The following SLC39A10 variants were observed in gnomAD, a reference collection of about 807,000 sequenced individuals.
The protein encoded by SLC39A10 is zinc transporter ZIP10.
Under a neutral mutation model 65.1 loss-of-function variants are expected in SLC39A10, and 13 were observed. That is an observed-to-expected ratio of 0.20 (90% confidence interval 0.13 to 0.32). The LOEUF (loss-of-function observed/expected upper bound fraction) is 0.32, where lower values mean the gene tolerates loss of function less well. Among genes scored for constraint, SLC39A10 ranks in the 10% least tolerant of loss-of-function variants. The pLI, the probability that SLC39A10 is intolerant of heterozygous loss-of-function variation, is 1.00. For synonymous variants in SLC39A10, 321 were observed against 342.2 expected (o/e 0.94, Z 0.68); for missense variants, 831 against 1,018.4 (o/e 0.82, Z 2.50).
intron 2 of SLC39A10, among the ~76,000 whole-genome samples, chr2:195,619,883 T>C (rs939695380): frequency 1.3e-5 from 2 of 152,094 alleles, no homozygotes; most frequent in Non-Finnish European, 2.9e-5. Context: ...ACTTTATTTA[T>C]TTATTTAGAG....
intron 2 of SLC39A10, among the ~76,000 whole-genome samples, chr2:195,645,239 T>A (rs1317154555): frequency 3.3e-5 from 5 of 150,908 alleles, no homozygotes; most frequent in Admixed American, 2.0e-4. Flanking sequence ...AAAAAAAAAA[T>A]GAGTGCTGGG....
At position 195,717,188 on chromosome 2, in the gene SLC39A10, T is replaced by G. The variant is rs1691847187; in HGVS notation, c.2065+183T>G. 6.2e-6 allele frequency: 4 copies of G among 649,572 alleles called. No individual in the cohort carries two copies. The East Asian group carries it at 1.2e-4, about 19-fold the overall frequency. The allele number at this position is 649,572 out of a possible 1,614,324, so 40.2% of individuals were successfully genotyped here. A position where few individuals can be genotyped will look rare whatever the true frequency, so the allele number is the denominator to read the frequency against. On this transcript the variant is annotated intron_variant, in intron 7 of 9. Coordinates refer to ENST00000359634, the MANE Select transcript of SLC39A10 (RefSeq NM_020342.3). ...GGTGTAAGGGTATAATTTAGTGGGG[T>G]TTTTTAGAACACGTAAACAAATGTC... is the stretch of plus-strand genomic sequence containing the variant.
intron 2 of SLC39A10, among the ~76,000 whole-genome samples, chr2:195,640,385 G>A (rs1032065682): frequency 2.0e-5 from 3 of 150,804 alleles, no homozygotes; most frequent in Admixed American, 6.6e-5. Context: ...GATCAAATTG[G>A]ATGAACACCG....
In SLC39A10 at chr2:195,717,023, C is replaced by T. The variant is rs780817892; in HGVS notation, c.2065+18C>T. 3.7e-6 allele frequency: 6 copies of T among 1,607,854 alleles called. No individual in the cohort carries two copies. The South Asian group carries it at 5.6e-5, about 15-fold the overall frequency. On this transcript the variant is annotated intron_variant, in intron 7 of 9. Transcript: ENST00000359634. ...CGCAATTGGTAAGTGGACTGGAAAC[C>T]ACTGTCTATGCTAATCTTATGGACT...
intron 2 of SLC39A10, among the ~76,000 whole-genome samples, chr2:195,636,367 TATTTA>T (rs902516471): frequency 6.6e-6 from 1 of 152,218 alleles, no homozygotes; most frequent in African/African-American, 2.4e-5. Flanking sequence ...AAATAGTAAG[TATTTA>T]AATTTTTTTT....
chr2:195,680,751 G>A lies in SLC39A10; in HGVS notation c.709G>A (p.Gly237Arg). The A allele has an allele frequency of 1.2e-6, 2 of 1,614,064 alleles. No individual in the cohort carries two copies. The highest frequency in any genetic ancestry group is 1.3e-5 in the African/African-American group (1 of 75,008). The change falls in exon 2 of 10, where the codon GGG becomes AGG. Residue 237 changes from glycine to arginine, a missense_variant. By Grantham distance (125) the Gly-to-Arg change is moderately radical (BLOSUM62 -2). Transcript: ENST00000359634. ...KLPKGKRKKKGRKSNENSEVI... is the reference protein window; with the variant it reads ...KLPKGKRKKKRRKSNENSEVI... The stretch of plus-strand genomic sequence containing the variant: ...ACCGAAAGGAAAGAGGAAGAAAAAA[G>A]GGAGGAAAAGTAATGAAAATTCTGA...
Position 195,716,879 on chromosome 2 carries a change from C to A in SLC39A10, c.1939C>A (p.His647Asn). Residue 647 changes from histidine (H) to asparagine (N), a missense_variant, in exon 7 of 10, where the codon CAT becomes AAT. By Grantham distance (68) the His-to-Asn change is moderately conservative (BLOSUM62 1). This residue lies in a region of SLC39A10 where 230 missense variants were observed against 242.9 expected (regional missense o/e 0.95). Coordinates refer to ENST00000359634, the MANE Select transcript of SLC39A10 (RefSeq NM_020342.3). ...GCATAATCACCAGTGGCACCACAAG[C>A]ATTCTCATCATTCCCATGGCCCCTG... The part of the protein sequence containing the change: ...RKHNHQWHHK[H>N]SHHSHGPCHS... 6 of 1,614,174 alleles carry A rather than the reference C, an allele frequency of 3.7e-6. No homozygotes were observed. Among genetic ancestry groups the A allele is most frequent in the Non-Finnish European group, 5.1e-6 (6 of 1,180,022 alleles).
In SLC39A10 at chr2:195,708,738, A is replaced by G; in HGVS notation, c.1469A>G (p.Glu490Gly). The stretch of plus-strand genomic sequence containing the variant: ...GGACATGAATCTAACAAGTTTTTGG[A>G]AGAATATGATGCTGTATTGAAAGGA... ...SHGHESNKFLEEYDAVLKGLV... is the reference protein window; with the variant it reads ...SHGHESNKFLGEYDAVLKGLV... The change falls in exon 5 of 10, where the codon GAA becomes GGA. Residue 490 changes from glutamate to glycine, a missense_variant. Glu to Gly is a moderately conservative substitution (Grantham distance 98, BLOSUM62 -2). Transcript: ENST00000359634. 6.2e-7 allele frequency: 1 copy of G among 1,613,200 alleles called. No individual in the cohort carries two copies. Among genetic ancestry groups the G allele is most frequent in the Non-Finnish European group, 8.5e-7 (1 of 1,179,528 alleles).
At chr2:195,640,823 GC>G (rs1203050849) in intron 2 of SLC39A10, among the ~76,000 whole-genome samples, 4 of 152,076 alleles carry the variant, frequency 2.6e-5, no homozygotes, top group African/African-American at 9.7e-5. Flanking sequence ...TTAACTGGGG[GC>G]AAAAAAAGCG....
At chr2:195,709,215 GTAT>G (rs1421779816) in intron 5 of SLC39A10, among the ~76,000 whole-genome samples, 2 of 151,508 alleles carry the variant, frequency 1.3e-5, no homozygotes, top group Admixed American at 1.3e-4. Context: ...ATGTATGTAT[GTAT>G]GTATGTATGT....
chr2:195,693,412 G>A (rs1690819924), intron 3 of SLC39A10, among the ~76,000 whole-genome samples: 1 of 152,146 alleles, frequency 6.6e-6, no homozygotes, highest in Non-Finnish European at 1.5e-5. Context: ...CCAATTCTTT[G>A]AATGTCTGAT....
chr2:195,684,736 T>C (rs13422675), intron 3 of SLC39A10, among the ~76,000 whole-genome samples: 3,550 of 152,250 alleles, frequency 0.023, 129 homozygotes, highest in African/African-American at 0.08. Context: ...TTTTCTTGGT[T>C]ATTGGATTGT....
chr2:195,673,491 G>A (rs979139698), intron 1 of SLC39A10, among the ~76,000 whole-genome samples: 4 of 152,136 alleles, frequency 2.6e-5, no homozygotes, highest in African/African-American at 9.7e-5. Context: ...GAAGTGTTTG[G>A]TAATTTATTT....
At chr2:195,681,543 G>T (rs1476086977) in intron 2 of SLC39A10, among the ~76,000 whole-genome samples, 1 of 151,960 alleles carries the variant, frequency 6.6e-6, no homozygotes, top group Non-Finnish European at 1.5e-5. Flanking sequence ...AAAGAAAAAA[G>T]ATTTTTAAAA....
Position 195,636,786 on chromosome 2 carries a change from A to G in SLC39A10, c.-12+30553A>G, listed in dbSNP as rs1459884618. On this transcript the variant is annotated intron_variant, in intron 2 of 2. Transcript: ENST00000458054. ...AAATTAAAAAGTTTTAAATAATCCC[A>G]GCACTTTGGGAGGCCAAGGTGGGAG... Among the ~76,000 whole-genome samples the G allele has an allele frequency of 5.3e-5, 8 of 152,144 alleles. No homozygotes were observed. The South Asian group carries it at 1.2e-3, about 24-fold the overall frequency.
chr2:195,665,046 G>A (rs1027568187), intron 1 of SLC39A10, among the ~76,000 whole-genome samples: 5 of 152,104 alleles, frequency 3.3e-5, no homozygotes, highest in Admixed American at 2.0e-4. Context: ...GTGTGAGGTC[G>A]GGCACGGTGG....
At chr2:195,700,120 G>C (rs1385672520) in intron 3 of SLC39A10, among the ~76,000 whole-genome samples, 1 of 152,094 alleles carries the variant, frequency 6.6e-6, no homozygotes, top group Non-Finnish European at 1.5e-5. Context: ...TTGATGTAAA[G>C]TGAGTCTCTT....
chr2:195,696,043 GTTCT>G (rs1177011614), intron 3 of SLC39A10, among the ~76,000 whole-genome samples: 1 of 152,080 alleles, frequency 6.6e-6, no homozygotes. Flanking sequence ...TGAAAAGACT[GTTCT>G]TTCTGTCATT....
At chr2:195,660,062 A>G (rs1020553714) in intron 1 of SLC39A10, among the ~76,000 whole-genome samples, 1 of 151,550 alleles carries the variant, frequency 6.6e-6, no homozygotes, top group Non-Finnish European at 1.5e-5. Flanking sequence ...GGGGGTACAT[A>G]CTGCACAGTT....
Sources: allele counts gnomAD v4.1 joint callset (sites outside exome capture counted in the v4.1 genomes callset), GRCh38; gene constraint gnomAD v4.1.1; regional missense constraint gnomAD v4.1.1; transcripts MANE v1.5; gene names NCBI Gene and HGNC (gene_info 2026-07-23, HGNC 2026-07-21).